TPX2: variants seen among roughly 807,000 people sequenced by gnomAD.
The protein encoded by TPX2 is TPX2 microtubule nucleation factor.
Under a neutral mutation model 93.6 loss-of-function variants are expected in TPX2, and 21 were observed. The ratio of observed to expected loss-of-function variants is 0.22; its 90% confidence interval spans 0.16 to 0.32. TPX2 has a LOEUF of 0.32. Among genes scored for constraint, TPX2 ranks in the 10% least tolerant of loss-of-function variants. The pLI is 1.00. For synonymous variants in TPX2, 281 were observed against 298.3 expected (o/e 0.94, Z 0.60); for missense variants, 776 against 871.1 (o/e 0.89, Z 1.37).
At chr20:31,799,477 A>T (rs1220492923) in intron 17 of TPX2, among the ~76,000 whole-genome samples, 3 of 152,218 alleles carry the variant, frequency 2.0e-5, no homozygotes, top group Non-Finnish European at 4.4e-5. Flanking sequence ...ATGTGCTCAC[A>T]CTACAATGTT....
At chr20:31,796,505 T>C (rs965802564) in intron 15 of TPX2, among the ~76,000 whole-genome samples, 1 of 152,236 alleles carries the variant, frequency 6.6e-6, no homozygotes, top group Admixed American at 6.5e-5. Context: ...TTGCTAAATC[T>C]CCGAATCTTC....
chr20:31,791,377 G>A (rs1156641330), intron 12 of TPX2, among the ~76,000 whole-genome samples: 5 of 152,168 alleles, frequency 3.3e-5, no homozygotes, highest in African/African-American at 1.2e-4. Flanking sequence ...TCCGCCTCCT[G>A]GGTTCACGCC....
intron 9 of TPX2, among the ~76,000 whole-genome samples, 197 bp from the exon 10 acceptor site, chr20:31,778,616 C>G (rs2062016275): frequency 6.6e-6 from 1 of 152,090 alleles, no homozygotes; most frequent in Non-Finnish European, 1.5e-5. Context: ...AGTGCTAGAT[C>G]CTTTCTTCCA....
At chr20:31,773,489 A>C (rs919364850) in intron 7 of TPX2, among the ~76,000 whole-genome samples, 3 of 151,666 alleles carry the variant, frequency 2.0e-5, no homozygotes, top group Non-Finnish European at 4.4e-5. Flanking sequence ...ATGGGGTTTC[A>C]TGATGTTAGC....
chr20:31,757,505 A>G lies in TPX2; in HGVS notation c.29A>G (p.Tyr10Cys), dbSNP rs1568923565. Reference sequence around the variant, plus strand: ...TCACAAGTTAAAAGCTCTTATTCCTATGATGCCCCCTCGGATTTCATCAAT... The same window carrying G: ...TCACAAGTTAAAAGCTCTTATTCCTGTGATGCCCCCTCGGATTTCATCAAT... MSQVKSSYS[Y>C]DAPSDFINFS... Residue 10 changes from tyrosine to cysteine, a missense_variant, in exon 3 of 18, where the codon TAT (tyrosine) becomes TGT (cysteine). By Grantham distance (194) the Tyr-to-Cys change is radical. Around this residue, in one of 3 missense-constraint regions of TPX2, gnomAD observed 36 missense variants for 58.3 expected, o/e 0.62. Coordinates refer to ENST00000300403, the MANE Select transcript of TPX2 (RefSeq NM_012112.5). The G allele has an allele frequency of 3.7e-6, 6 of 1,614,090 alleles. No individual in the cohort carries two copies. Among genetic ancestry groups the G allele is most frequent in the Non-Finnish European group, 4.2e-6 (5 of 1,179,992 alleles).
intron 12 of TPX2, among the ~76,000 whole-genome samples, chr20:31,784,457 A>G (rs1271164783): frequency 1.3e-5 from 2 of 152,246 alleles, no homozygotes; most frequent in Non-Finnish European, 2.9e-5. Context: ...GCACTCAGCT[A>G]GTACATGGTG....
chr20:31,796,382 T>C (rs551740990), intron 15 of TPX2, among the ~76,000 whole-genome samples: 34 of 152,318 alleles, frequency 2.2e-4, no homozygotes, highest in Middle Eastern at 3.4e-3. Context: ...ACAATAATAT[T>C]CTCACACTTA....
rs2062073669 is a variant in TPX2 at position 31,787,366 on chromosome 20, A to C, written c.1413+3445A>C. ...TGCAGGTTTCCCTACTAAAATTTCC[A>C]GTGATTTGACTTCAACTCTTGGTTT... On this transcript the variant is annotated intron_variant, in intron 12 of 17. Coordinates refer to ENST00000300403, the MANE Select transcript of TPX2 (RefSeq NM_012112.5). Among the ~76,000 whole-genome samples, 3 of 151,714 alleles carry C rather than the reference A, an allele frequency of 2.0e-5. 1 individual carries two copies. The South Asian group carries it at 6.2e-4, about 32-fold the overall frequency.
intron 2 of TPX2, among the ~76,000 whole-genome samples, chr20:31,756,152 G>T (rs575794486): frequency 6.6e-6 from 1 of 152,350 alleles, no homozygotes; most frequent in African/African-American, 2.4e-5. Flanking sequence ...TAAGCACCTT[G>T]ATGGTTGGAT....
At chr20:31,757,966 TC>T (rs1054494269) in intron 3 of TPX2, among the ~76,000 whole-genome samples, 14 of 152,262 alleles carry the variant, frequency 9.2e-5, no homozygotes, top group African/African-American at 3.4e-4. Context: ...ATTCATACAA[TC>T]TACCAGTTTT....
chr20:31,770,306 A>C lies in TPX2; in HGVS notation c.357-37A>C, dbSNP rs183828352. On this transcript the variant is annotated intron_variant, in intron 5 of 17. Coordinates refer to ENST00000300403, the MANE Select transcript of TPX2 (RefSeq NM_012112.5). Reference sequence around the variant, plus strand: ...GAACATTTGGATATCTGTAGTATATATATTTATTATATATTTTGTCAATTT... The same window carrying C: ...GAACATTTGGATATCTGTAGTATATCTATTTATTATATATTTTGTCAATTT... 3.8e-5 allele frequency: 53 copies of C among 1,396,296 alleles called. No homozygotes were observed. In the Middle Eastern group the frequency reaches 7.6e-4, roughly 20 times the overall value. The allele number at this position is 1,396,296 out of a possible 1,614,324, so 86.5% of individuals were successfully genotyped here. A position where few individuals can be genotyped will look rare whatever the true frequency, so the allele number is the denominator to read the frequency against.
chr20:31,777,744 C>T, intron 9 of TPX2, 106 bp downstream of exon 9: 1 of 1,193,852 alleles, frequency 8.4e-7, no homozygotes, highest in Non-Finnish European at 1.1e-6. Context: ...AGAAAAAAAA[C>T]CTTGTGTCTA....
chr20:31,797,360 GA>G, intron 15 of TPX2, 43 bp from the exon 16 acceptor site: 5 of 1,579,520 alleles, frequency 3.2e-6, no homozygotes, highest in Non-Finnish European at 4.3e-6. Context: ...AGTGGTCATA[GA>G]AAGGTGAGAC....
chr20:31,785,171 C>T (rs1055099539), intron 12 of TPX2, among the ~76,000 whole-genome samples: 4 of 152,152 alleles, frequency 2.6e-5, no homozygotes, highest in Admixed American at 6.5e-5. Context: ...GAGCTTTTTG[C>T]GTGACTTCTG....
At chr20:31,756,965 T>C (rs2061856095) in intron 2 of TPX2, among the ~76,000 whole-genome samples, 1 of 152,184 alleles carries the variant, frequency 6.6e-6, no homozygotes, top group African/African-American at 2.4e-5. Flanking sequence ...CTTTTTGGTT[T>C]TTCTTTATAT....
chr20:31,800,292 C>T (rs532450288), intron 17 of TPX2, among the ~76,000 whole-genome samples: 6 of 152,030 alleles, frequency 3.9e-5, no homozygotes, highest in African/African-American at 7.2e-5. Flanking sequence ...CCTTTTTTCC[C>T]GGCCTCAACT....
At chr20:31,771,425 G>A in intron 6 of TPX2, 135 bp from the exon 7 acceptor site, 1 of 1,148,050 alleles carries the variant, frequency 8.7e-7, no homozygotes. Flanking sequence ...ACTGTTGGAA[G>A]AATCATGTGG....
chr20:31,790,801 T>C (rs1202626427), intron 12 of TPX2, among the ~76,000 whole-genome samples: 1 of 152,130 alleles, frequency 6.6e-6, no homozygotes, highest in Non-Finnish European at 1.5e-5. Flanking sequence ...ATAGTCTCCA[T>C]CCTCGAAGCA....
intron 9 of TPX2, 57 bp downstream of exon 9, chr20:31,777,695 G>A (rs112599765): frequency 1.4e-5 from 22 of 1,566,720 alleles, no homozygotes; most frequent in South Asian, 8.1e-5. Context: ...AGGATTTTAC[G>A]TGTAGCATTT....
Sources: gnomAD v4.1 joint callset for allele counts (sites outside exome capture counted in the v4.1 genomes callset) on GRCh38, gnomAD v4.1.1 for gene constraint, gnomAD v4.1.1 regional missense constraint, MANE v1.5 for transcripts, NCBI Gene and HGNC (gene_info 2026-07-23, HGNC 2026-07-21) for gene names.